CASTOR2: variants seen among roughly 807,000 people sequenced by gnomAD.
CASTOR2 encodes cytosolic arginine sensor for mTORC1 subunit 2.
In CASTOR2, 8 loss-of-function variants were observed where a neutral mutation model predicts 31.2. The observed-to-expected ratio is 0.26, with a 90% CI of 0.15 to 0.46. The LOEUF is 0.46. Ranked by LOEUF, CASTOR2 falls within the 20% of genes least tolerant of loss-of-function variation. The probability of loss-of-function intolerance (pLI) is 0.99; values close to 1 mark genes in which losing one functional copy is unlikely to be tolerated. For missense variants in CASTOR2, 216 were observed against 382.1 expected, an observed-to-expected ratio of 0.57 and a Z score of 3.62; for synonymous variants, 162 against 158.7, an observed-to-expected ratio of 1.02 and a Z score of -0.16.
At chr7:74,988,292 CTTAT>C (rs1317113045) in intron 1 of CASTOR2, among the ~76,000 whole-genome samples, 11 of 151,352 alleles carry the variant, frequency 7.3e-5, no homozygotes, top group African/African-American at 1.5e-4. Context: ...CCACACCCGA[CTTAT>C]TTATTTATTT....
At chr7:75,016,260 C>T (rs2131952782) in intron 2 of CASTOR2, among the ~76,000 whole-genome samples, 1 of 152,208 alleles carries the variant, frequency 6.6e-6, no homozygotes, top group East Asian at 1.9e-4. Context: ...CTGTGTCCCA[C>T]ATTCAGGGCT....
chr7:74,975,357 C>A (rs1408146896), intron 1 of CASTOR2, among the ~76,000 whole-genome samples: 4 of 149,406 alleles, frequency 2.7e-5, no homozygotes, highest in Admixed American at 6.7e-5. Flanking sequence ...GTGATCCTCC[C>A]GTCTTGGTTT....
At chr7:74,975,955 C>G (rs1297380751) in intron 1 of CASTOR2, among the ~76,000 whole-genome samples, 1 of 150,080 alleles carries the variant, frequency 6.7e-6, no homozygotes, top group South Asian at 2.1e-4. Flanking sequence ...CATCCCACCC[C>G]CAACCGGCAG....
At chr7:74,995,830 C>T (rs1804333521) in intron 1 of CASTOR2, among the ~76,000 whole-genome samples, 1 of 151,100 alleles carries the variant, frequency 6.6e-6, no homozygotes, top group African/African-American at 2.4e-5. Flanking sequence ...AAAAAATTAG[C>T]CAGGCATGGT....
intron 1 of CASTOR2, among the ~76,000 whole-genome samples, chr7:74,996,373 T>A (rs1804347121): frequency 6.6e-6 from 1 of 152,016 alleles, no homozygotes; most frequent in Admixed American, 6.6e-5. Context: ...GGACAACAAC[T>A]CCAGCCCATG....
In CASTOR2 at chr7:74,964,708, T is replaced by C. The variant is rs1803539145; in HGVS notation, c.-278T>C. 1 of 126,696 alleles carries C rather than the reference T, an allele frequency of 7.9e-6. No homozygotes were observed. The highest frequency in any genetic ancestry group is 1.7e-5 in the Non-Finnish European group (1 of 59,384). The allele number at this position is 126,696 out of a possible 1,614,324, so 7.8% of individuals were successfully genotyped here. A position where few individuals can be genotyped will look rare whatever the true frequency, so the allele number is the denominator to read the frequency against. On this transcript the variant is annotated 5_prime_UTR_variant, in exon 1 of 9. Coordinates refer to ENST00000616305, the MANE Select transcript of CASTOR2 (RefSeq NM_001145064.3). Reference sequence around the variant, plus strand: ...GTTGTTTGTTACAGCGAACACCAGCTGCTCCCCGCGCCGGGCGCCGCGCGC... The same window carrying C: ...GTTGTTTGTTACAGCGAACACCAGCCGCTCCCCGCGCCGGGCGCCGCGCGC...
intron 6 of CASTOR2, 124 bp from the exon 7 acceptor site, chr7:75,021,750 C>T (rs1384239007): frequency 2.6e-6 from 3 of 1,171,096 alleles, no homozygotes; most frequent in Non-Finnish European, 3.7e-6. Flanking sequence ...TTTTGGGGGG[C>T]CCTGAGGTCT....
chr7:75,004,159 G>A (rs1804559104), intron 1 of CASTOR2, among the ~76,000 whole-genome samples: 1 of 152,182 alleles, frequency 6.6e-6, no homozygotes, highest in African/African-American at 2.4e-5. Context: ...TCTGGTGACT[G>A]TGGGAGTCCA....
At chr7:74,985,697 C>A (rs1233872864) in intron 1 of CASTOR2, among the ~76,000 whole-genome samples, 3 of 151,340 alleles carry the variant, frequency 2.0e-5, no homozygotes, top group African/African-American at 7.3e-5. Flanking sequence ...TGTTCCATTA[C>A]CCCCCAGGCC....
In CASTOR2 at chr7:75,029,778, G is replaced by T. The variant is rs1425253848; in HGVS notation, c.*5079G>T. Among the ~76,000 whole-genome samples, 1 of 152,222 alleles carries T rather than the reference G, an allele frequency of 6.6e-6. No homozygotes were observed. The highest frequency in any genetic ancestry group is 1.5e-5 in the Non-Finnish European group (1 of 68,034). On this transcript the variant is annotated 3_prime_UTR_variant, in exon 9 of 9. Transcript: ENST00000616305. The stretch of plus-strand genomic sequence containing the variant: ...TTGGTTAGTGTAATAGGCAGAGCCT[G>T]AGTGAGGCCGGGGGGCTTCTCCAAC...
At chr7:75,000,956 C>T (rs1478711725) in intron 1 of CASTOR2, among the ~76,000 whole-genome samples, 1 of 152,194 alleles carries the variant, frequency 6.6e-6, no homozygotes, top group Non-Finnish European at 1.5e-5. Context: ...ATCCACCGCA[C>T]CCGGCAGGCC....
intron 2 of CASTOR2, among the ~76,000 whole-genome samples, chr7:75,011,246 T>C (rs1584473582): frequency 6.6e-6 from 1 of 150,564 alleles, no homozygotes; most frequent in African/African-American, 2.4e-5. Flanking sequence ...CTGGTCAACA[T>C]GGTGAAACCC....
intron 2 of CASTOR2, among the ~76,000 whole-genome samples, chr7:75,016,278 G>A (rs1804861454): frequency 1.3e-5 from 2 of 152,214 alleles, no homozygotes; most frequent in Admixed American, 1.3e-4. Context: ...GCTACTCAGG[G>A]TCTCTGTCTG....
chr7:75,007,304 G>A (rs1193032080), intron 1 of CASTOR2, among the ~76,000 whole-genome samples: 18 of 152,094 alleles, frequency 1.2e-4, no homozygotes, highest in East Asian at 3.9e-4. Flanking sequence ...GCCCAGGACC[G>A]AGGCCAGCAG....
intron 2 of CASTOR2, among the ~76,000 whole-genome samples, chr7:75,010,282 G>A (rs1183120115): frequency 2.0e-5 from 3 of 152,074 alleles, no homozygotes; most frequent in Admixed American, 2.0e-4. Flanking sequence ...AGAAAGTACA[G>A]GAGCAGAAGC....
chr7:74,996,986 C>T (rs1458572879), intron 1 of CASTOR2, among the ~76,000 whole-genome samples: 2 of 151,260 alleles, frequency 1.3e-5, no homozygotes, highest in East Asian at 2.0e-4. Flanking sequence ...CCACCCCCCT[C>T]GGCCTCCCAA....
chr7:74,999,304 C>T (rs1804435397), intron 1 of CASTOR2, among the ~76,000 whole-genome samples: 1 of 152,128 alleles, frequency 6.6e-6, no homozygotes, highest in Admixed American at 6.6e-5. Flanking sequence ...GCCACCGCGC[C>T]CGACCTTATT....
chr7:75,019,165 T>G lies in CASTOR2; in HGVS notation c.635+70T>G, dbSNP rs1192953268. On this transcript the variant is annotated intron_variant, in intron 5 of 8. Transcript: ENST00000616305. Reference sequence around the variant, plus strand: ...GAGGCATGGCTCCGCCTAGGAGTCTTAGTCTGACGGGGGAGGCTTTGCTAG... The same window carrying G: ...GAGGCATGGCTCCGCCTAGGAGTCTGAGTCTGACGGGGGAGGCTTTGCTAG... 4 of 1,550,624 alleles carry G rather than the reference T, an allele frequency of 2.6e-6. No homozygotes were observed. In the African/African-American group the frequency reaches 5.5e-5, roughly 21 times the overall value.
At chr7:74,987,699 T>C (rs1376621411) in intron 1 of CASTOR2, among the ~76,000 whole-genome samples, 3 of 152,170 alleles carry the variant, frequency 2.0e-5, no homozygotes, top group Non-Finnish European at 4.4e-5. Context: ...AGGTTCTGTC[T>C]GGTTTTCTTT....
Sources: allele counts gnomAD v4.1 joint callset (sites outside exome capture counted in the v4.1 genomes callset), GRCh38; gene constraint gnomAD v4.1.1; transcripts MANE v1.5; gene names NCBI Gene and HGNC (gene_info 2026-07-23, HGNC 2026-07-21).